PRKG1: variants seen among roughly 807,000 people sequenced by gnomAD.
The protein encoded by PRKG1 is protein kinase cGMP-dependent 1.
PRKG1 carries 35 observed loss-of-function variants against 88.1 expected under a neutral mutation model. That is an observed-to-expected ratio of 0.40 (90% CI 0.30 to 0.53). PRKG1 has a LOEUF of 0.53. Among genes scored for constraint, PRKG1 ranks in the 20% least tolerant of loss-of-function variants. The pLI, the probability that PRKG1 is intolerant of heterozygous loss-of-function variation, is 0.59. For missense variants in PRKG1, 540 were observed against 839.8 expected (o/e 0.64, Z 4.41); for synonymous variants, 303 against 292.5 (o/e 1.04, Z -0.37).
At chr10:51,020,398 T>C (rs1194888926) in intron 1 of PRKG1, among the ~76,000 whole-genome samples, 2 of 152,170 alleles carry the variant, frequency 1.3e-5, no homozygotes, top group Non-Finnish European at 2.9e-5. Flanking sequence ...CACGTCTCCG[T>C]TTAACAACAT....
At chr10:52,176,173 C>CTTTTT (rs140722137) in intron 9 of PRKG1, among the ~76,000 whole-genome samples, 126 of 95,638 alleles carry the variant, frequency 1.3e-3, no homozygotes, top group East Asian at 3.1e-3. Flanking sequence ...TTCTTTTTCT[C>CTTTTT]TTTTTTTTTT....
chr10:51,409,023 A>T (rs556965373), intron 2 of PRKG1, among the ~76,000 whole-genome samples: 5 of 152,166 alleles, frequency 3.3e-5, no homozygotes, highest in Non-Finnish European at 5.9e-5. Context: ...GCTACAGCCC[A>T]TGAATCAGTA....
chr10:51,058,720 A>G (rs1338651137), intron 1 of PRKG1, among the ~76,000 whole-genome samples: 2 of 152,092 alleles, frequency 1.3e-5, no homozygotes, highest in Non-Finnish European at 2.9e-5. Flanking sequence ...TTATGACATT[A>G]TTACCTACTC....
Position 51,034,663 on chromosome 10 carries a change from G to GTT in PRKG1, c.266+43020_266+43021dup, listed in dbSNP as rs1239537811. 6.0e-3 allele frequency among the ~76,000 whole-genome samples: 75 copies of GTT among 12,402 alleles called. 1 individual carries two copies. Among genetic ancestry groups the GTT allele is most frequent in the African/African-American group, 0.019 (74 of 3,994 alleles). The allele number at this position is 12,402 out of a possible 152,430, so 8.1% of individuals were successfully genotyped here. A position where few individuals can be genotyped will look rare whatever the true frequency, so the allele number is the denominator to read the frequency against. The stretch of plus-strand genomic sequence containing the variant: ...AAATAAGCAAAATTATATATAATAT[G>GTT]TTATTTATATATATATATATATATA... On this transcript the variant is annotated intron_variant, in intron 1 of 17. Coordinates refer to the PRKG1 transcript ENST00000401604.
At chr10:52,283,099 G>A (rs117428114) in intron 14 of PRKG1, among the ~76,000 whole-genome samples, 2 of 152,106 alleles carry the variant, frequency 1.3e-5, no homozygotes, top group Admixed American at 6.6e-5. Flanking sequence ...ATCTTTTGAC[G>A]ATCATGATTG....
At chr10:51,540,186 T>C (rs1018099989) in intron 3 of PRKG1, among the ~76,000 whole-genome samples, 29 of 152,222 alleles carry the variant, frequency 1.9e-4, no homozygotes, top group Admixed American at 1.9e-3. Flanking sequence ...AAGTAAGCTA[T>C]AATCATGTTA....
chr10:51,982,577 A>G (rs911982926), intron 5 of PRKG1, among the ~76,000 whole-genome samples: 1 of 152,108 alleles, frequency 6.6e-6, no homozygotes, highest in Non-Finnish European at 1.5e-5. Flanking sequence ...ATTTTAGGGG[A>G]CAAACACTCA....
chr10:51,671,935 A>G (rs1277750227), intron 3 of PRKG1, among the ~76,000 whole-genome samples: 1 of 152,156 alleles, frequency 6.6e-6, no homozygotes, highest in Non-Finnish European at 1.5e-5. Flanking sequence ...AACTAATTAT[A>G]TCTGCAAAGA....
chr10:51,901,930 T>C (rs1191968117), intron 4 of PRKG1, among the ~76,000 whole-genome samples: 1 of 152,156 alleles, frequency 6.6e-6, no homozygotes, highest in Non-Finnish European at 1.5e-5. Flanking sequence ...ATATCATTGA[T>C]AAATAATAAT....
intron 4 of PRKG1, among the ~76,000 whole-genome samples, chr10:51,839,176 G>A (rs1301068895): frequency 6.6e-6 from 1 of 152,014 alleles, no homozygotes; most frequent in Non-Finnish European, 1.5e-5. Flanking sequence ...GTTGAGCAGA[G>A]GTTTTCAGAA....
Position 51,315,325 on chromosome 10 carries a change from T to C in PRKG1, c.479-152398T>C, listed in dbSNP as rs538981032. ...TGTAATTGCTCATGTGAGAGGTTTT[T>C]GGTTATGCTGAATATACGGGTGCAA... On this transcript the variant is annotated intron_variant, in intron 2 of 17. Coordinates refer to ENST00000373980, the MANE Select transcript of PRKG1 (RefSeq NM_006258.4). Among the ~76,000 whole-genome samples, 48 of 152,346 alleles carry C rather than the reference T, an allele frequency of 3.2e-4. 1 individual carries two copies. In the South Asian group the frequency reaches 9.7e-3, roughly 31 times the overall value.
At chr10:52,267,700 T>C (rs1021616688) in intron 10 of PRKG1, among the ~76,000 whole-genome samples, 1 of 152,016 alleles carries the variant, frequency 6.6e-6, no homozygotes, top group African/African-American at 2.4e-5. Flanking sequence ...CACTGTGAGA[T>C]CATAAAATGC....
At chr10:52,046,278 T>C (rs1180361631) in intron 5 of PRKG1, among the ~76,000 whole-genome samples, 1 of 152,144 alleles carries the variant, frequency 6.6e-6, no homozygotes, top group Non-Finnish European at 1.5e-5. Context: ...CTTCTTTTTT[T>C]ATGTAAAGTA....
rs57358032 is a variant in PRKG1 at position 51,830,559 on chromosome 10, TG to T, written c.698+25870del. On this transcript the variant is annotated intron_variant, in intron 4 of 17. Coordinates refer to ENST00000373980, the MANE Select transcript of PRKG1 (RefSeq NM_006258.4). ...ACTTCTCTTAAAGTGTTTTTTTTTT[TG>T]TTTTTTTTTTTTTTTTTTTGAGTCA... is the stretch of plus-strand genomic sequence containing the variant. Among the ~76,000 whole-genome samples, 630 of 92,654 alleles carry T rather than the reference TG, an allele frequency of 6.8e-3. 14 individuals are homozygous for T. The highest frequency in any genetic ancestry group is 0.055 in the African/African-American group (572 of 10,400). The allele number at this position is 92,654 out of a possible 152,430, so 60.8% of individuals were successfully genotyped here.
At chr10:51,749,262 C>T (rs1250597291) in intron 3 of PRKG1, among the ~76,000 whole-genome samples, 1 of 152,160 alleles carries the variant, frequency 6.6e-6, no homozygotes, top group African/African-American at 2.4e-5. Context: ...TCAGCTCAGA[C>T]TGTTATAACA....
chr10:51,602,100 G>C (rs1838622224), intron 3 of PRKG1, among the ~76,000 whole-genome samples: 1 of 152,008 alleles, frequency 6.6e-6, no homozygotes, highest in Non-Finnish European at 1.5e-5. Context: ...AAAATATAAG[G>C]TGATTTTGGA....
intron 2 of PRKG1, among the ~76,000 whole-genome samples, chr10:51,245,289 T>A (rs1015102779): frequency 4.6e-5 from 7 of 152,060 alleles, no homozygotes; most frequent in Non-Finnish European, 1.0e-4. Context: ...TATAACAACA[T>A]CTGGGTCCCT....
At chr10:51,208,445 G>T (rs1054275924) in intron 2 of PRKG1, among the ~76,000 whole-genome samples, 1 of 152,126 alleles carries the variant, frequency 6.6e-6, no homozygotes, top group Non-Finnish European at 1.5e-5. Flanking sequence ...CTGAGGATTA[G>T]GTAAGCACAG....
At chr10:51,153,378 A>C (rs1846126844) in intron 2 of PRKG1, 48 bp downstream of exon 2, 1 of 1,525,096 alleles carries the variant, frequency 6.6e-7, no homozygotes, top group South Asian at 1.3e-5. Flanking sequence ...TTCTTTTTTC[A>C]TCTTATCAGC....
Sources: allele counts gnomAD v4.1 joint callset (sites outside exome capture counted in the v4.1 genomes callset), GRCh38; gene constraint gnomAD v4.1.1; transcripts MANE v1.5; gene names NCBI Gene and HGNC (gene_info 2026-07-23, HGNC 2026-07-21).